Variants in RAB38 observed in about 807,000 individuals in gnomAD.
RAB38 encodes the protein RAB38, member RAS oncogene family, also known as ras-related protein Rab-38.
RAB38 carries 15 observed loss-of-function variants against 18.4 expected under a neutral mutation model. That is an observed-to-expected ratio of 0.82 (90% CI 0.55 to 1.26). The LOEUF is 1.26. Ranked by LOEUF, RAB38 falls within the 50% of genes most tolerant of loss-of-function variation. The pLI is 0.00. For missense variants in RAB38, 294 were observed against 267.4 expected (o/e 1.10, Z -0.69); for synonymous variants, 101 against 104.4 (o/e 0.97, Z 0.20).
Position 88,125,009 on chromosome 11 carries a change from G to A in RAB38, c.484-10869C>T, listed in dbSNP as rs116359452. On this transcript the variant is annotated intron_variant, in intron 2 of 2. Transcript: ENST00000243662. ...GCTTAGAGATGATGATGGACATGAC[G>A]TGCTCTCTTCTCATAGTGACTGTAA... Among the ~76,000 whole-genome samples, 470 of 152,240 alleles carry A rather than the reference G, an allele frequency of 3.1e-3. 3 individuals are homozygous for A. Among genetic ancestry groups the A allele is most frequent in the African/African-American group, 0.01 (426 of 41,534 alleles).
At chr11:87,870,449 C>T in the RAB38 span, among the ~76,000 whole-genome samples, 3 of 151,454 alleles carry the variant, frequency 2.0e-5, no homozygotes, top group South Asian at 2.1e-4. Flanking sequence ...TTAAGAAATT[C>T]TTTTTGTCAA....
the RAB38 span, among the ~76,000 whole-genome samples, chr11:88,041,164 A>T: frequency 4.2e-4 from 64 of 152,328 alleles, no homozygotes; most frequent in East Asian, 0.012. Context: ...ATATCAAACC[A>T]GTTACATCTG....
chr11:87,890,397 T>G, the RAB38 span, among the ~76,000 whole-genome samples: 2 of 151,864 alleles, frequency 1.3e-5, no homozygotes, highest in East Asian at 3.9e-4. Flanking sequence ...CCTCCTATGT[T>G]CTTCTGCTGC....
chr11:87,945,225 T>G, the RAB38 span, among the ~76,000 whole-genome samples: 2 of 152,310 alleles, frequency 1.3e-5, no homozygotes, highest in East Asian at 3.9e-4. Flanking sequence ...ACCTGAATTT[T>G]CTACAATTTT....
chr11:87,887,322 C>A, the RAB38 span, among the ~76,000 whole-genome samples: 1 of 151,980 alleles, frequency 6.6e-6, no homozygotes, highest in African/African-American at 2.4e-5. Flanking sequence ...CTGCCCTGAG[C>A]ATCCTTGCCC....
At chr11:87,905,781 G>T in the RAB38 span, among the ~76,000 whole-genome samples, 16 of 151,998 alleles carry the variant, frequency 1.1e-4, no homozygotes, top group Non-Finnish European at 2.1e-4. Context: ...ATCAGCCAAA[G>T]ACTAAATAGG....
At chr11:87,908,927 T>G in the RAB38 span, among the ~76,000 whole-genome samples, 3 of 151,952 alleles carry the variant, frequency 2.0e-5, no homozygotes, top group Non-Finnish European at 4.4e-5. Flanking sequence ...GATTTCTATC[T>G]TGGAACAAAA....
chr11:87,859,214 C>T, the RAB38 span, among the ~76,000 whole-genome samples: 1 of 151,490 alleles, frequency 6.6e-6, no homozygotes, highest in Non-Finnish European at 1.5e-5. Flanking sequence ...GTTTATACGC[C>T]ATTGAGAAGA....
At chr11:87,852,862 G>A in the RAB38 span, among the ~76,000 whole-genome samples, 1 of 151,940 alleles carries the variant, frequency 6.6e-6, no homozygotes, top group African/African-American at 2.4e-5. Context: ...TCTCAGAATT[G>A]TTTCCTACAT....
intron 2 of RAB38, among the ~76,000 whole-genome samples, chr11:88,120,245 T>C (rs1302579957): frequency 6.6e-6 from 1 of 152,194 alleles, no homozygotes; most frequent in Admixed American, 6.5e-5. Flanking sequence ...ATGACAAAAG[T>C]GAAGTCCAGA....
chr11:87,893,390 A>ATATATATATATATATATATATAT, the RAB38 span, among the ~76,000 whole-genome samples: 68 of 93,884 alleles, frequency 7.2e-4, no homozygotes, highest in Admixed American at 1.2e-3. Flanking sequence ...ATATATATAT[A>ATATATATATATATATATATATAT]TTTTTTTTTT....
chr11:87,967,902 G>A, the RAB38 span, among the ~76,000 whole-genome samples: 10 of 152,132 alleles, frequency 6.6e-5, no homozygotes, highest in Non-Finnish European at 1.5e-4. Flanking sequence ...GATGGCATGC[G>A]GGAGGTGTTG....
At chr11:87,826,240 C>A in the RAB38 span, among the ~76,000 whole-genome samples, 5 of 152,010 alleles carry the variant, frequency 3.3e-5, no homozygotes, top group Admixed American at 3.3e-4. Context: ...ATGTACATAT[C>A]TTTGTTTGAT....
intron 1 of RAB38, among the ~76,000 whole-genome samples, chr11:88,155,105 A>G (rs1193976672): frequency 6.6e-6 from 1 of 151,850 alleles, no homozygotes; most frequent in African/African-American, 2.4e-5. Context: ...GAGGTACACA[A>G]CTCACACTTG....
At chr11:87,909,835 T>C in the RAB38 span, among the ~76,000 whole-genome samples, 2 of 152,102 alleles carry the variant, frequency 1.3e-5, no homozygotes, top group Admixed American at 6.6e-5. Flanking sequence ...GAGTTGTTTT[T>C]AGTTTTGGGC....
chr11:87,974,792 G>T, the RAB38 span, among the ~76,000 whole-genome samples: 1 of 150,436 alleles, frequency 6.6e-6, no homozygotes, highest in African/African-American at 2.4e-5. Flanking sequence ...CAGAAAAAAT[G>T]ATGATCAGAA....
intron 2 of RAB38, among the ~76,000 whole-genome samples, chr11:88,126,291 T>C (rs1237858563): frequency 6.6e-6 from 1 of 152,128 alleles, no homozygotes; most frequent in East Asian, 1.9e-4. Flanking sequence ...TAGCAAAGAC[T>C]TGGAACCAAC....
At chr11:87,920,956 G>A in the RAB38 span, among the ~76,000 whole-genome samples, 3 of 151,998 alleles carry the variant, frequency 2.0e-5, no homozygotes, top group East Asian at 5.8e-4. Context: ...TTACTGGCTC[G>A]CAGTTCTGGT....
At chr11:87,970,337 C>A in the RAB38 span, among the ~76,000 whole-genome samples, 527 of 152,158 alleles carry the variant, frequency 3.5e-3, 1 homozygote, top group Non-Finnish European at 5.8e-3. Context: ...CACCTCCCCC[C>A]AATCTTAGCC....
Sources: allele counts gnomAD v4.1 joint callset (sites outside exome capture counted in the v4.1 genomes callset), GRCh38; gene constraint gnomAD v4.1.1; transcripts MANE v1.5; gene names NCBI Gene and HGNC (gene_info 2026-07-23, HGNC 2026-07-21).